Variants in LSM12 observed in about 807,000 individuals in gnomAD.
LSM12 encodes protein LSM12.
For missense variants in LSM12, 108 were observed against 238.9 expected (o/e 0.45, Z 3.61); for synonymous variants, 74 against 87.3 (o/e 0.85, Z 0.85).
intron 2 of LSM12, among the ~76,000 whole-genome samples, chr17:44,062,905 C>CAA (rs764166826): frequency 1.4e-5 from 2 of 138,828 alleles, no homozygotes; most frequent in African/African-American, 5.3e-5. Flanking sequence ...TGCCTGTCTC[C>CAA]AAAAAAAAAA....
chr17:44,052,640 T>C (rs1228222719), intron 2 of LSM12, among the ~76,000 whole-genome samples: 1 of 151,882 alleles, frequency 6.6e-6, no homozygotes, highest in Admixed American at 6.6e-5. Flanking sequence ...GTACCTGTAA[T>C]CCCAGCTACT....
intron 2 of LSM12, among the ~76,000 whole-genome samples, chr17:44,050,413 G>A (rs1015930449): frequency 6.6e-6 from 1 of 150,970 alleles, no homozygotes; most frequent in East Asian, 2.0e-4. Flanking sequence ...CCCAGACAAA[G>A]CCTTTATTCT....
At chr17:44,043,101 A>C (rs1441321131) in intron 2 of LSM12, among the ~76,000 whole-genome samples, 1 of 152,252 alleles carries the variant, frequency 6.6e-6, no homozygotes, top group African/African-American at 2.4e-5. Context: ...CTATGAAAAA[A>C]AAGGAGGCCT....
chr17:44,060,315 C>T (rs2049779955), intron 2 of LSM12, among the ~76,000 whole-genome samples: 1 of 152,156 alleles, frequency 6.6e-6, no homozygotes, highest in Non-Finnish European at 1.5e-5. Flanking sequence ...TTAAGAAAAA[C>T]TCAAGTCCGT....
At chr17:44,052,611 T>C (rs1184871745) in intron 2 of LSM12, among the ~76,000 whole-genome samples, 1 of 151,522 alleles carries the variant, frequency 6.6e-6, no homozygotes, top group African/African-American at 2.4e-5. Context: ...TTACAAAAAT[T>C]AGCCGGGCAT....
At chr17:44,056,941 T>TAATC (rs902433730) in intron 2 of LSM12, among the ~76,000 whole-genome samples, 3 of 151,530 alleles carry the variant, frequency 2.0e-5, no homozygotes, top group Non-Finnish European at 4.4e-5. Context: ...TGGTAAGCTG[T>TAATC]AATCGTGCCA....
intron 2 of LSM12, among the ~76,000 whole-genome samples, chr17:44,040,692 C>T (rs1328160620): frequency 1.3e-5 from 2 of 151,844 alleles, no homozygotes; most frequent in Non-Finnish European, 2.9e-5. Flanking sequence ...TATACATTTC[C>T]GGCCAGGGGA....
intron 2 of LSM12, among the ~76,000 whole-genome samples, chr17:44,040,968 A>C (rs910607818): frequency 2.0e-5 from 3 of 151,840 alleles, no homozygotes; most frequent in South Asian, 2.1e-4. Flanking sequence ...GTGACAGAGC[A>C]AGACTCCGTC....
chr17:44,046,289 C>G (rs1484505738), intron 2 of LSM12, among the ~76,000 whole-genome samples: 2 of 152,004 alleles, frequency 1.3e-5, no homozygotes, highest in African/African-American at 4.8e-5. Flanking sequence ...TAAAAAGTCT[C>G]TGTGTGTGGA....
Position 44,036,066 on chromosome 17 carries a change from G to C in LSM12, c.*142C>G. 2 of 643,822 alleles carry C rather than the reference G, an allele frequency of 3.1e-6. No individual in the cohort carries two copies. Among genetic ancestry groups the C allele is most frequent in the Non-Finnish European group, 5.2e-6 (2 of 384,546 alleles). The allele number at this position is 643,822 out of a possible 1,614,324, so 39.9% of individuals were successfully genotyped here. A position where few individuals can be genotyped will look rare whatever the true frequency, so the allele number is the denominator to read the frequency against. ...TTTGTTGGGTGTTTTGTTTGTTCAA[G>C]TCTAAGATTTGGAAATGCTGACCCT... On this transcript the variant is annotated 3_prime_UTR_variant, in exon 5 of 5. Coordinates refer to ENST00000293406, the MANE Select transcript of LSM12 (RefSeq NM_001371445.1).
In LSM12 at chr17:44,036,187, G is replaced by A; in HGVS notation, c.*21C>T. The A allele has an allele frequency of 2.5e-6, 4 of 1,606,390 alleles. No homozygotes were observed. The highest frequency in any genetic ancestry group is 1.1e-5 in the South Asian group (1 of 90,676). On this transcript the variant is annotated 3_prime_UTR_variant, in exon 5 of 5. Coordinates refer to ENST00000293406, the MANE Select transcript of LSM12 (RefSeq NM_001371445.1). Reference sequence around the variant, plus strand: ...GCGCCTCCTTGGCTGGATGCTGGAAGAGTCCTCCATGTGTACGGACTCAGG... The same window carrying A: ...GCGCCTCCTTGGCTGGATGCTGGAAAAGTCCTCCATGTGTACGGACTCAGG...
intron 2 of LSM12, among the ~76,000 whole-genome samples, chr17:44,045,300 A>G (rs9906272): frequency 0.15 from 23,517 of 152,144 alleles, 2,154 homozygotes; most frequent in Non-Finnish European, 0.2. Flanking sequence ...TGCTGGGATT[A>G]CAAGCGTAAG....
intron 2 of LSM12, among the ~76,000 whole-genome samples, chr17:44,062,702 C>A (rs1597898860): frequency 6.6e-6 from 1 of 152,018 alleles, no homozygotes; most frequent in African/African-American, 2.4e-5. Flanking sequence ...GCCTGGCCAG[C>A]ATGGTGAAAC....
intron 2 of LSM12, among the ~76,000 whole-genome samples, chr17:44,048,258 G>A (rs918381833): frequency 6.6e-6 from 1 of 152,010 alleles, no homozygotes; most frequent in Non-Finnish European, 1.5e-5. Context: ...AAGGCAGGCA[G>A]ATCACTTGAG....
chr17:44,037,645 C>T (rs1411557310), intron 3 of LSM12, 107 bp from the exon 4 acceptor site: 16 of 1,350,228 alleles, frequency 1.2e-5, no homozygotes, highest in Non-Finnish European at 1.6e-5. Flanking sequence ...TCCCAGCTCA[C>T]CACTCAGCCA....
At chr17:44,044,654 G>C (rs2049537672) in intron 2 of LSM12, among the ~76,000 whole-genome samples, 1 of 152,122 alleles carries the variant, frequency 6.6e-6, no homozygotes, top group Non-Finnish European at 1.5e-5. Flanking sequence ...ATCAATTAGG[G>C]GTCCCCATCA....
At position 44,042,603 on chromosome 17, in the gene LSM12, C is replaced by CACCCAGGCTGACAGA. The variant is rs1555623794; in HGVS notation, c.259-2348_259-2347insTCTGTCAGCCTGGGT. 5.6e-5 allele frequency among the ~76,000 whole-genome samples: 8 copies of CACCCAGGCTGACAGA among 143,850 alleles called. No individual in the cohort carries two copies. In the East Asian group the frequency reaches 1.3e-3, roughly 23 times the overall value. 94.4% of individuals were successfully genotyped at this position (143,850 alleles called of 152,430 possible). A position where few individuals can be genotyped will look rare whatever the true frequency, so the allele number is the denominator to read the frequency against. ...TTTTTGAGACGGAGTCTCGCTCTGT[C>CACCCAGGCTGACAGA]GCCCAGGCTGGAGTGCAGTGGCGCA... On this transcript the variant is annotated intron_variant, in intron 2 of 4. Transcript: ENST00000293406.
chr17:44,043,525 C>T (rs1471949822), intron 2 of LSM12, among the ~76,000 whole-genome samples: 1 of 151,324 alleles, frequency 6.6e-6, no homozygotes, highest in Non-Finnish European at 1.5e-5. Flanking sequence ...ACCAAAAAAA[C>T]CCCGGTAACA....
At chr17:44,044,751 T>G (rs1003670991) in intron 2 of LSM12, among the ~76,000 whole-genome samples, 1 of 152,202 alleles carries the variant, frequency 6.6e-6, no homozygotes, top group Non-Finnish European at 1.5e-5. Context: ...TACCTTGCCC[T>G]TTTTTGTCAT....
Sources: gnomAD v4.1 joint callset for allele counts (sites outside exome capture counted in the v4.1 genomes callset) on GRCh38, gnomAD v4.1.1 for gene constraint, MANE v1.5 for transcripts, NCBI Gene and HGNC (gene_info 2026-07-23, HGNC 2026-07-21) for gene names.